Variants in CCDC175 observed in about 807,000 individuals in gnomAD.
CCDC175 encodes coiled-coil domain-containing protein 175.
CCDC175 carries 100 observed loss-of-function variants against 114.6 expected under a neutral mutation model. The observed-to-expected ratio is 0.87, with a 90% confidence interval of 0.74 to 1.03. CCDC175 has a LOEUF of 1.03. Among genes scored for constraint, CCDC175 ranks in the 50% least tolerant of loss-of-function variants. The pLI, the probability that CCDC175 is intolerant of heterozygous loss-of-function variation, is 0.00. For synonymous variants in CCDC175, 306 were observed against 308.7 expected (o/e 0.99, Z 0.09); for missense variants, 880 against 917.8 (o/e 0.96, Z 0.53).
chr14:59,508,010 T>G (rs1298076755), intron 19 of CCDC175, among the ~76,000 whole-genome samples: 1 of 152,170 alleles, frequency 6.6e-6, no homozygotes, highest in Non-Finnish European at 1.5e-5. Flanking sequence ...TCCCTGGCAC[T>G]GGGTTCCTTG....
intron 6 of CCDC175, 96 bp downstream of exon 6, chr14:59,563,641 C>T: frequency 1.4e-6 from 1 of 735,512 alleles, no homozygotes; most frequent in Admixed American, 4.5e-5. Context: ...AGAAAACATC[C>T]TCTCAGCATG....
chr14:59,511,548 T>TAAAAAAAAAAAAA (rs34490884), intron 18 of CCDC175, among the ~76,000 whole-genome samples: 17 of 94,650 alleles, frequency 1.8e-4, no homozygotes, highest in African/African-American at 6.2e-4. Flanking sequence ...TGATATTTGG[T>TAAAAAAAAAAAAA]AAAAAAAAAA....
rs188015985 is a variant in CCDC175 at position 59,526,481 on chromosome 14, G to A, written c.1842+614C>T. Among the ~76,000 whole-genome samples, 1,101 of 151,830 alleles carry A rather than the reference G, an allele frequency of 7.3e-3. 14 individuals are homozygous for A. Among genetic ancestry groups the A allele is most frequent in the African/African-American group, 0.025 (1,039 of 41,338 alleles). On this transcript the variant is annotated intron_variant, in intron 15 of 19. Transcript: ENST00000537690. ...AATTAGCCAGAAATCGCTTGAACCT[G>A]GGAGGCTGAGGTTGCAGTAAGCCGA...
intron 19 of CCDC175, among the ~76,000 whole-genome samples, chr14:59,508,122 A>C (rs1892531046): frequency 6.6e-6 from 1 of 151,884 alleles, no homozygotes; most frequent in East Asian, 1.9e-4. Context: ...CCGACCCCCC[A>C]CACACCTCAC....
intron 14 of CCDC175, among the ~76,000 whole-genome samples, chr14:59,529,953 T>C (rs187069680): frequency 1.3e-5 from 2 of 152,196 alleles, no homozygotes; most frequent in Non-Finnish European, 2.9e-5. Flanking sequence ...CAGCATTTTC[T>C]CCCCTTTGTT....
chr14:59,534,567 T>G (rs117777914), intron 13 of CCDC175, among the ~76,000 whole-genome samples: 7 of 152,204 alleles, frequency 4.6e-5, no homozygotes, highest in Non-Finnish European at 1.0e-4. Flanking sequence ...GATATCACAG[T>G]TGCAGAAGGT....
intron 16 of CCDC175, among the ~76,000 whole-genome samples, chr14:59,523,555 A>G (rs1180208074): frequency 2.6e-5 from 4 of 152,204 alleles, no homozygotes; most frequent in African/African-American, 9.6e-5. Context: ...GTCAAATGAG[A>G]CTGAATCCCT....
Position 59,565,075 on chromosome 14 carries a change from A to T in CCDC175, c.692T>A (p.Leu231Gln), listed in dbSNP as rs927979275. ...TGCAGTCAACTCTTGTTTTCTTATT[A>T]GATATTCTGCCCTTTCTTTTTCCAT... is the stretch of plus-strand genomic sequence containing the variant. ...ELMEKERAEY[L>Q]IRKQELTAQI... The change falls in exon 5 of 20, where the codon CTA (leucine) becomes CAA (glutamine). Residue 231 changes from leucine (L) to glutamine (Q), a missense_variant. Coordinates refer to ENST00000537690, the MANE Select transcript of CCDC175 (RefSeq NM_001164399.2). The T allele has an allele frequency of 6.5e-7, 1 of 1,536,428 alleles. No homozygotes were observed. The highest frequency in any genetic ancestry group is 1.4e-5 in the African/African-American group (1 of 72,922).
chr14:59,508,424 A>ACACACACACACACACACACACACACACG, intron 19 of CCDC175, among the ~76,000 whole-genome samples: 2 of 149,804 alleles, frequency 1.3e-5, no homozygotes, highest in Non-Finnish European at 3.0e-5. Flanking sequence ...ACACACACAC[A>ACACACACACACACACACACACACACACG]CACACACACA....
intron 17 of CCDC175, among the ~76,000 whole-genome samples, chr14:59,515,234 G>A (rs1190728247): frequency 6.6e-6 from 1 of 152,176 alleles, no homozygotes; most frequent in East Asian, 1.9e-4. Flanking sequence ...AAAGACCATT[G>A]AGGCTAGGAA....
chr14:59,542,856 G>GATAC (rs1894869754), intron 10 of CCDC175, among the ~76,000 whole-genome samples: 2 of 151,886 alleles, frequency 1.3e-5, no homozygotes, highest in African/African-American at 4.8e-5. Context: ...CCAATTTTTG[G>GATAC]ATACATACAT....
intron 15 of CCDC175, among the ~76,000 whole-genome samples, chr14:59,526,094 A>T (rs1472774093): frequency 2.0e-5 from 3 of 152,192 alleles, no homozygotes; most frequent in Non-Finnish European, 4.4e-5. Context: ...AGAAAGAAGA[A>T]GATTATGAAT....
intron 19 of CCDC175, among the ~76,000 whole-genome samples, chr14:59,507,890 C>T (rs1892517418): frequency 6.6e-6 from 1 of 152,160 alleles, no homozygotes; most frequent in Non-Finnish European, 1.5e-5. Flanking sequence ...GTGACCAACT[C>T]AGCATTCCGC....
intron 17 of CCDC175, among the ~76,000 whole-genome samples, chr14:59,518,151 A>G (rs1408054172): frequency 6.6e-6 from 1 of 152,186 alleles, no homozygotes; most frequent in East Asian, 1.9e-4. Context: ...CCTTCCTTAC[A>G]CCTTATACAA....
chr14:59,538,858 AAG>A lies in CCDC175; in HGVS notation c.1356-20_1356-19del, dbSNP rs1234190229. ...TTATAACACTAGAGATTAGAGCAAA[AAG>A]AATTGCCATTAAATTGACATAGCAG... is the stretch of plus-strand genomic sequence containing the variant. On this transcript the variant is annotated intron_variant, in intron 11 of 19. Coordinates refer to ENST00000537690, the MANE Select transcript of CCDC175 (RefSeq NM_001164399.2). 1 of 1,513,966 alleles carries A rather than the reference AAG, an allele frequency of 6.6e-7. No homozygotes were observed. Among genetic ancestry groups the A allele is most frequent in the Admixed American group, 2.3e-5 (1 of 44,342 alleles). 93.8% of individuals were successfully genotyped at this position (1,513,966 alleles called of 1,614,324 possible).
chr14:59,558,790 A>C lies in CCDC175; in HGVS notation c.953+2329T>G, dbSNP rs184515020. On this transcript the variant is annotated intron_variant, in intron 7 of 19. Transcript: ENST00000537690. Reference sequence around the variant, plus strand: ...TAGAGCTCAAGTCATTGAGGTAAAGAAAGTATTTAAAGCCACGAGACTGAA... The same window carrying C: ...TAGAGCTCAAGTCATTGAGGTAAAGCAAGTATTTAAAGCCACGAGACTGAA... Among the ~76,000 whole-genome samples, 6 of 152,294 alleles carry C rather than the reference A, an allele frequency of 3.9e-5. No individual in the cohort carries two copies. The East Asian group carries it at 9.6e-4, about 24-fold the overall frequency.
chr14:59,513,297 TGGGG>T (rs1254369946), intron 17 of CCDC175, among the ~76,000 whole-genome samples: 29 of 152,158 alleles, frequency 1.9e-4, no homozygotes, highest in African/African-American at 7.0e-4. Flanking sequence ...TTCATCTCAC[TGGGG>T]AGTGTCAGAA....
At chr14:59,545,403 C>T in intron 8 of CCDC175, 104 bp from the exon 9 acceptor site, 5 of 944,300 alleles carry the variant, frequency 5.3e-6, no homozygotes, top group Non-Finnish European at 7.7e-6. Context: ...TATTGCTTAG[C>T]CCACCGTGAA....
chr14:59,540,846 T>TCCC, intron 10 of CCDC175, 100 bp from the exon 11 acceptor site: 1 of 983,040 alleles, frequency 1.0e-6, no homozygotes, highest in Non-Finnish European at 1.5e-6. Flanking sequence ...GGCTATAGTC[T>TCCC]AATTGGGAGA....
Sources: gnomAD v4.1 joint callset for allele counts (sites outside exome capture counted in the v4.1 genomes callset) on GRCh38, gnomAD v4.1.1 for gene constraint, MANE v1.5 for transcripts, NCBI Gene and HGNC (gene_info 2026-07-23, HGNC 2026-07-21) for gene names.